LRP1B: variants seen among roughly 807,000 people sequenced by gnomAD.
LRP1B encodes LDL receptor related protein 1B.
A neutral mutation model predicts 556.6 loss-of-function variants in LRP1B; 217 were observed. That is an observed-to-expected ratio of 0.39 (90% CI 0.35 to 0.44). The LOEUF is 0.44. Ranked by LOEUF, LRP1B falls within the 20% of genes least tolerant of loss-of-function variation. LRP1B has a pLI of 1.00. For missense variants in LRP1B, 5,053 were observed against 5,620.8 expected, an observed-to-expected ratio of 0.90 and a Z score of 3.23; for synonymous variants, 2,047 against 1,865.8, an observed-to-expected ratio of 1.10 and a Z score of -2.50.
intron 3 of LRP1B, among the ~76,000 whole-genome samples, chr2:141,457,403 G>A (rs1681674481): frequency 6.6e-6 from 1 of 152,092 alleles, no homozygotes; most frequent in Non-Finnish European, 1.5e-5. Context: ...CGTGGAGACA[G>A]GGAGGGCAAC....
At chr2:141,150,522 T>A (rs768941128) in intron 7 of LRP1B, among the ~76,000 whole-genome samples, 2 of 152,206 alleles carry the variant, frequency 1.3e-5, no homozygotes, top group Non-Finnish European at 2.9e-5. Flanking sequence ...GATTTTTGGA[T>A]TGGAGAAAGT....
At chr2:140,679,077 A>G (rs1685773398) in intron 41 of LRP1B, among the ~76,000 whole-genome samples, 1 of 151,992 alleles carries the variant, frequency 6.6e-6, no homozygotes, top group Non-Finnish European at 1.5e-5. Context: ...ACGCCCGGCC[A>G]GGCCTCTCTC....
chr2:140,767,139 C>T (rs111652337), intron 35 of LRP1B, among the ~76,000 whole-genome samples: 3,774 of 151,764 alleles, frequency 0.025, 70 homozygotes, highest in Middle Eastern at 0.048. Flanking sequence ...GTTTCACTGG[C>T]CTGTAGATCT....
chr2:141,022,650 G>T (rs61374054), intron 11 of LRP1B, among the ~76,000 whole-genome samples: 7,601 of 151,932 alleles, frequency 0.05, 235 homozygotes, highest in Middle Eastern at 0.072. Flanking sequence ...ATGAACAAAA[G>T]CCCTTTAAAC....
At chr2:140,637,652 G>A (rs1255581891) in intron 41 of LRP1B, among the ~76,000 whole-genome samples, 1 of 152,028 alleles carries the variant, frequency 6.6e-6, no homozygotes, top group Non-Finnish European at 1.5e-5. Flanking sequence ...TCCGTGCCAG[G>A]TGCCACTGTT....
At chr2:140,838,460 T>C (rs574446524) in intron 31 of LRP1B, among the ~76,000 whole-genome samples, 1 of 152,288 alleles carries the variant, frequency 6.6e-6, no homozygotes, top group Non-Finnish European at 1.5e-5. Flanking sequence ...AAATAGCTGT[T>C]AACAGTATCA....
At chr2:140,795,834 C>T (rs552184167) in intron 32 of LRP1B, among the ~76,000 whole-genome samples, 74 of 152,134 alleles carry the variant, frequency 4.9e-4, no homozygotes, top group Admixed American at 1.8e-3. Context: ...TGAGATAATA[C>T]CTGGAGTATA....
intron 2 of LRP1B, among the ~76,000 whole-genome samples, chr2:141,623,183 A>C (rs571429112): frequency 2.2e-4 from 33 of 152,184 alleles, no homozygotes; most frequent in Non-Finnish European, 4.1e-4. Context: ...ATTTAAAAAA[A>C]AATCACTTTT....
At chr2:141,634,721 A>G (rs1003529270) in intron 2 of LRP1B, among the ~76,000 whole-genome samples, 1 of 151,990 alleles carries the variant, frequency 6.6e-6, no homozygotes, top group Non-Finnish European at 1.5e-5. Flanking sequence ...ATATATTTGT[A>G]TGAAATTCTT....
intron 3 of LRP1B, among the ~76,000 whole-genome samples, chr2:141,388,753 GC>G (rs1689937567): frequency 6.6e-6 from 1 of 151,994 alleles, no homozygotes; most frequent in Non-Finnish European, 1.5e-5. Flanking sequence ...CCAATATGTA[GC>G]AAAATCTCAA....
intron 35 of LRP1B, among the ~76,000 whole-genome samples, chr2:140,748,328 ATT>A (rs1491119112): frequency 2.4e-5 from 3 of 124,122 alleles, no homozygotes; most frequent in Non-Finnish European, 4.9e-5. Context: ...TATAATATAT[ATT>A]ATATTCATAT....
chr2:140,920,343 G>A (rs935421349), intron 21 of LRP1B, among the ~76,000 whole-genome samples: 1 of 151,946 alleles, frequency 6.6e-6, no homozygotes, highest in Admixed American at 6.6e-5. Context: ...AAAACCTACT[G>A]TGCCTACGTT....
intron 29 of LRP1B, among the ~76,000 whole-genome samples, chr2:140,843,381 C>A (rs1169134848): frequency 6.6e-6 from 1 of 151,974 alleles, no homozygotes; most frequent in East Asian, 1.9e-4. Flanking sequence ...ATTTTTCTGA[C>A]TACAGAGCTT....
intron 2 of LRP1B, among the ~76,000 whole-genome samples, chr2:141,616,759 G>A (rs115534502): frequency 1.3e-5 from 2 of 152,120 alleles, no homozygotes; most frequent in Admixed American, 6.5e-5. Context: ...TTCTAGTTTC[G>A]TATGTTACTA....
intron 2 of LRP1B, among the ~76,000 whole-genome samples, chr2:141,803,522 A>T (rs1696078477): frequency 6.6e-6 from 1 of 151,964 alleles, no homozygotes; most frequent in African/African-American, 2.4e-5. Flanking sequence ...AGAGACATAA[A>T]CTGTCCTCAT....
At chr2:141,234,851 G>A (rs1005985262) in intron 5 of LRP1B, among the ~76,000 whole-genome samples, 2 of 152,054 alleles carry the variant, frequency 1.3e-5, no homozygotes, top group African/African-American at 4.8e-5. Flanking sequence ...ATAATAAATT[G>A]TAGATGAAAG....
At chr2:141,616,258 A>G (rs969365580) in intron 2 of LRP1B, among the ~76,000 whole-genome samples, 2 of 150,716 alleles carry the variant, frequency 1.3e-5, no homozygotes, top group Non-Finnish European at 2.9e-5. Context: ...CTCCAGCCTG[A>G]CCACAGGGTG....
At chr2:141,274,144 C>G (rs534217608) in intron 3 of LRP1B, among the ~76,000 whole-genome samples, 1 of 152,286 alleles carries the variant, frequency 6.6e-6, no homozygotes, top group African/African-American at 2.4e-5. Flanking sequence ...CTTTGGAACC[C>G]ATGTTGGCAG....
chr2:141,100,298 A>T (rs1700427447), intron 7 of LRP1B, among the ~76,000 whole-genome samples: 1 of 152,228 alleles, frequency 6.6e-6, no homozygotes, highest in Non-Finnish European at 1.5e-5. Flanking sequence ...AGAATGTTGA[A>T]TGGAGCTTTT....
Sources: gnomAD v4.1 joint callset for allele counts (sites outside exome capture counted in the v4.1 genomes callset) on GRCh38, gnomAD v4.1.1 for gene constraint, MANE v1.5 for transcripts, NCBI Gene and HGNC (gene_info 2026-07-23, HGNC 2026-07-21) for gene names.